CHL1: variants seen among roughly 807,000 people sequenced by gnomAD.
CHL1 encodes the protein cell adhesion molecule L1 like, also known as neural cell adhesion molecule L1-like protein.
A neutral mutation model predicts 141.9 loss-of-function variants in CHL1; 96 were observed. The observed-to-expected ratio is 0.68, with a 90% CI of 0.57 to 0.80. CHL1 has a LOEUF of 0.80. Ranked by LOEUF, CHL1 falls within the 30% of genes least tolerant of loss-of-function variation. CHL1 has a pLI of 0.00. For missense variants in CHL1, 1,820 were observed against 1,457.2 expected, an observed-to-expected ratio of 1.25 and a Z score of -4.05; for synonymous variants, 613 against 502.2, an observed-to-expected ratio of 1.22 and a Z score of -2.95.
chr3:278,163 G>C (rs375603956), intron 2 of CHL1, among the ~76,000 whole-genome samples: 1 of 152,134 alleles, frequency 6.6e-6, no homozygotes, highest in South Asian at 2.1e-4. Flanking sequence ...TAGAAATCAG[G>C]CCAGGAAGCA....
chr3:212,321 C>A (rs1259687351), intron 1 of CHL1, among the ~76,000 whole-genome samples: 1 of 152,108 alleles, frequency 6.6e-6, no homozygotes, highest in African/African-American at 2.4e-5. Flanking sequence ...AGACTGTTCA[C>A]CAGTCTTGCT....
intron 8 of CHL1, 108 bp from the exon 9 acceptor site, chr3:344,481 A>T: frequency 1.4e-6 from 1 of 735,014 alleles, no homozygotes; most frequent in Non-Finnish European, 2.3e-6. Context: ...ACACACACAC[A>T]CACACACACT....
intron 26 of CHL1, among the ~76,000 whole-genome samples, chr3:401,278 G>A (rs1019135686): frequency 7.2e-5 from 11 of 152,160 alleles, no homozygotes; most frequent in African/African-American, 2.7e-4. Context: ...AAAAAGTTCA[G>A]ATAGTAAAAT....
chr3:205,210 A>G (rs1323529360), intron 1 of CHL1, among the ~76,000 whole-genome samples: 1 of 151,002 alleles, frequency 6.6e-6, no homozygotes. Context: ...TCCTGGGCTC[A>G]AGTTATTCTC....
At chr3:237,452 C>T (rs1321920570) in intron 1 of CHL1, among the ~76,000 whole-genome samples, 3 of 152,206 alleles carry the variant, frequency 2.0e-5, no homozygotes, top group East Asian at 3.8e-4. Context: ...GGCTAAAATA[C>T]AGCCTCCTTT....
chr3:314,089 G>C (rs1699962696), intron 2 of CHL1, among the ~76,000 whole-genome samples: 1 of 151,634 alleles, frequency 6.6e-6, no homozygotes. Flanking sequence ...TTTTCTGTTT[G>C]TTTTTTATTT....
intron 3 of CHL1, among the ~76,000 whole-genome samples, chr3:321,965 C>T (rs1339095463): frequency 6.6e-6 from 1 of 152,070 alleles, no homozygotes; most frequent in Non-Finnish European, 1.5e-5. Context: ...TTAGTTATTG[C>T]TGAGCCTTTA....
chr3:360,906 A>G (rs1704182889), intron 12 of CHL1, among the ~76,000 whole-genome samples: 1 of 150,944 alleles, frequency 6.6e-6, no homozygotes, highest in Admixed American at 6.6e-5. Context: ...CCATGTCCCT[A>G]CAAAGGACAT....
intron 2 of CHL1, among the ~76,000 whole-genome samples, chr3:317,265 A>C (rs986287520): frequency 1.3e-5 from 2 of 151,974 alleles, no homozygotes; most frequent in African/African-American, 4.8e-5. Context: ...AAAATTCAAA[A>C]AATGGGATCA....
intron 27 of CHL1, among the ~76,000 whole-genome samples, chr3:404,902 T>C (rs1433675835): frequency 6.6e-6 from 1 of 152,204 alleles, no homozygotes; most frequent in Non-Finnish European, 1.5e-5. Context: ...TTCAGGATTC[T>C]GAGAAGCCTA....
At chr3:220,817 G>C (rs904806464) in intron 1 of CHL1, among the ~76,000 whole-genome samples, 4 of 152,234 alleles carry the variant, frequency 2.6e-5, no homozygotes, top group African/African-American at 7.2e-5. Context: ...TGAGTGGACA[G>C]TGGCATAACC....
chr3:209,327 A>T (rs1166033520), intron 1 of CHL1, among the ~76,000 whole-genome samples: 1 of 152,238 alleles, frequency 6.6e-6, no homozygotes, highest in Non-Finnish European at 1.5e-5. Flanking sequence ...AAAATAAGTT[A>T]CATTTAATAT....
At chr3:256,671 C>A (rs1358167397) in intron 2 of CHL1, among the ~76,000 whole-genome samples, 1 of 152,186 alleles carries the variant, frequency 6.6e-6, no homozygotes, top group Non-Finnish European at 1.5e-5. Flanking sequence ...GGTTGAGAAA[C>A]TCTGGCTTAG....
At chr3:258,289 T>C (rs878857343) in intron 2 of CHL1, among the ~76,000 whole-genome samples, 2 of 152,222 alleles carry the variant, frequency 1.3e-5, no homozygotes, top group Admixed American at 6.5e-5. Context: ...TCATGTGTTA[T>C]AGGTTGTTTC....
chr3:400,694 C>T (rs6804023), intron 26 of CHL1, among the ~76,000 whole-genome samples: 7,923 of 150,064 alleles, frequency 0.053, 691 homozygotes, highest in African/African-American at 0.18. Context: ...CCTAACTACT[C>T]GGGAGGCTGA....
intron 19 of CHL1, among the ~76,000 whole-genome samples, chr3:386,957 C>G (rs768291455): frequency 2.0e-5 from 3 of 149,610 alleles, no homozygotes; most frequent in Non-Finnish European, 4.5e-5. Flanking sequence ...CTCAATTTAG[C>G]CACTCCACAA....
At chr3:391,293 A>T in intron 22 of CHL1, 134 bp downstream of exon 22, 2 of 692,306 alleles carry the variant, frequency 2.9e-6, no homozygotes, top group Non-Finnish European at 4.9e-6. Context: ...AGGCAGATGG[A>T]TCACTTGAAG....
intron 2 of CHL1, among the ~76,000 whole-genome samples, chr3:258,823 A>G (rs947948753): frequency 2.0e-5 from 3 of 151,738 alleles, no homozygotes; most frequent in Non-Finnish European, 4.4e-5. Context: ...CCCTAAGGTT[A>G]CTAACTTTTT....
intron 2 of CHL1, among the ~76,000 whole-genome samples, chr3:315,685 A>C (rs1370953846): frequency 6.6e-6 from 1 of 152,054 alleles, no homozygotes; most frequent in Non-Finnish European, 1.5e-5. Context: ...TCTTGAAATC[A>C]GTGTATTCTT....
Sources: gnomAD v4.1 joint callset for allele counts (sites outside exome capture counted in the v4.1 genomes callset) on GRCh38, gnomAD v4.1.1 for gene constraint, MANE v1.5 for transcripts, NCBI Gene and HGNC (gene_info 2026-07-23, HGNC 2026-07-21) for gene names.